TMX1: variants seen among roughly 807,000 people sequenced by gnomAD.
TMX1 encodes the protein thioredoxin-related transmembrane protein 1.
TMX1 carries 25 observed loss-of-function variants against 36.6 expected under a neutral mutation model. The ratio of observed to expected loss-of-function variants is 0.68; its 90% CI spans 0.50 to 0.95. The LOEUF is 0.95. Ranked by LOEUF, TMX1 falls within the 40% of genes least tolerant of loss-of-function variation. The probability of loss-of-function intolerance (pLI) is 0.00; values close to 1 mark genes in which losing one functional copy is unlikely to be tolerated. For missense variants in TMX1, 347 were observed against 339.6 expected, an observed-to-expected ratio of 1.02 and a Z score of -0.17; for synonymous variants, 133 against 118.0, an observed-to-expected ratio of 1.13 and a Z score of -0.82.
intron 1 of TMX1, 48 bp from the exon 2 acceptor site, chr14:51,243,808 C>A: frequency 7.6e-7 from 1 of 1,310,588 alleles, no homozygotes; most frequent in South Asian, 1.6e-5. Flanking sequence ...GATAAATGGT[C>A]ATACTAAAGT....
chr14:51,245,920 G>GTC (rs2065783382), intron 3 of TMX1: 1 of 163,916 alleles, frequency 6.1e-6, no homozygotes, highest in Non-Finnish European at 1.3e-5. Flanking sequence ...AGTCTTCAGT[G>GTC]TCAGGTCTAT....
At chr14:51,246,135 C>G (rs1424901441) in intron 3 of TMX1, among the ~76,000 whole-genome samples, 1 of 151,988 alleles carries the variant, frequency 6.6e-6, no homozygotes, top group African/African-American at 2.4e-5. Flanking sequence ...ATATAAATTT[C>G]TGTTCGCTGT....
chr14:51,250,219 A>G (rs1466437383), intron 7 of TMX1, among the ~76,000 whole-genome samples: 1 of 152,216 alleles, frequency 6.6e-6, no homozygotes, highest in Non-Finnish European at 1.5e-5. Flanking sequence ...GAACTGTACT[A>G]CAGAACAATT....
intron 6 of TMX1, 41 bp from the exon 7 acceptor site, chr14:51,249,652 A>C (rs781277512): frequency 1.3e-6 from 2 of 1,598,060 alleles, no homozygotes; most frequent in Non-Finnish European, 1.7e-6. Flanking sequence ...GCTGTGGCAT[A>C]TATTCTACAT....
At chr14:51,249,811 T>C (rs1304909577) in intron 7 of TMX1, 46 bp downstream of exon 7, 1 of 1,394,908 alleles carries the variant, frequency 7.2e-7, no homozygotes, top group African/African-American at 1.5e-5. Context: ...GATAGTCCTA[T>C]TCATTTCTGT....
chr14:51,252,277 C>A (rs1465222311), intron 7 of TMX1, among the ~76,000 whole-genome samples: 1 of 149,270 alleles, frequency 6.7e-6, no homozygotes, highest in Non-Finnish European at 1.5e-5. Flanking sequence ...CTAAAGAAAT[C>A]TTTCCCTTTA....
chr14:51,255,152 C>A lies in TMX1; in HGVS notation c.*633C>A, dbSNP rs867320523. On this transcript the variant is annotated 3_prime_UTR_variant, in exon 8 of 8. Coordinates refer to ENST00000457354, the MANE Select transcript of TMX1 (RefSeq NM_030755.5). Reference sequence around the variant, plus strand: ...TTAAGTTCATGGTATTCTCTTGATTCCAACAAAGTTTGATTTTCTCTTGTA... The same window carrying A: ...TTAAGTTCATGGTATTCTCTTGATTACAACAAAGTTTGATTTTCTCTTGTA... The A allele has an allele frequency of 6.6e-6, 1 of 151,992 alleles. No individual in the cohort carries two copies. Among genetic ancestry groups the A allele is most frequent in the Non-Finnish European group, 1.5e-5 (1 of 67,918 alleles). 9.4% of individuals were successfully genotyped at this position (151,992 alleles called of 1,614,324 possible). A position where few individuals can be genotyped will look rare whatever the true frequency, so the allele number is the denominator to read the frequency against.
intron 1 of TMX1, among the ~76,000 whole-genome samples, chr14:51,241,300 G>A (rs531905666): frequency 6.6e-6 from 1 of 152,262 alleles, no homozygotes; most frequent in African/African-American, 2.4e-5. Context: ...ATGCTAAGTC[G>A]TTGTTGATGG....
intron 1 of TMX1, among the ~76,000 whole-genome samples, chr14:51,243,417 A>G (rs1461391868): frequency 6.6e-6 from 1 of 152,220 alleles, no homozygotes; most frequent in Non-Finnish European, 1.5e-5. Flanking sequence ...AATGGTTGCC[A>G]CTTTAAGATG....
At chr14:51,242,265 T>C (rs1436956721) in intron 1 of TMX1, among the ~76,000 whole-genome samples, 3 of 152,206 alleles carry the variant, frequency 2.0e-5, no homozygotes, top group African/African-American at 7.2e-5. Flanking sequence ...GTGACACTTT[T>C]TCAGTCATCA....
At chr14:51,247,771 C>G (rs2065793411) in intron 4 of TMX1, among the ~76,000 whole-genome samples, 1 of 152,142 alleles carries the variant, frequency 6.6e-6, no homozygotes, top group Non-Finnish European at 1.5e-5. Context: ...AATATTTTAG[C>G]TTGCTAGATT....
Position 51,256,587 on chromosome 14 carries a change from A to G in TMX1, c.*2068A>G, listed in dbSNP as rs2065839788. 1 of 152,250 alleles carries G rather than the reference A, an allele frequency of 6.6e-6. No individual in the cohort carries two copies. Among genetic ancestry groups the G allele is most frequent in the Non-Finnish European group, 1.5e-5 (1 of 68,032 alleles). 9.4% of individuals were successfully genotyped at this position (152,250 alleles called of 1,614,324 possible). A position where few individuals can be genotyped will look rare whatever the true frequency, so the allele number is the denominator to read the frequency against. On this transcript the variant is annotated 3_prime_UTR_variant, in exon 8 of 8. Coordinates refer to ENST00000457354, the MANE Select transcript of TMX1 (RefSeq NM_030755.5). The stretch of plus-strand genomic sequence containing the variant: ...CCACCATAATCAATTCAGCTGTACT[A>G]CTGAAGTATTGTAAAATCTGATCTC...
chr14:51,242,367 A>G (rs2065766133), intron 1 of TMX1, among the ~76,000 whole-genome samples: 1 of 152,206 alleles, frequency 6.6e-6, no homozygotes, highest in African/African-American at 2.4e-5. Context: ...TGCAAAATAC[A>G]GTCAAGTATT....
Position 51,243,935 on chromosome 14 carries a change from GT to G in TMX1, c.234del (p.Asn79IlefsTer5). The G allele has an allele frequency of 6.2e-7, 1 of 1,612,146 alleles. No individual in the cohort carries two copies. The highest frequency in any genetic ancestry group is 8.5e-7 in the Non-Finnish European group (1 of 1,179,080). ...SFAEWGEDLE[V>X]NIAKVDVTEQ... Reference sequence around the variant, plus strand: ...TGCTGAATGGGGAGAAGATCTTGAGGTTAATATTGCGAAAGTAGATGTCACA... The same window carrying G: ...TGCTGAATGGGGAGAAGATCTTGAGGTAATATTGCGAAAGTAGATGTCACA... On this transcript the variant is annotated frameshift_variant, in exon 2 of 8. Coordinates refer to ENST00000457354, the MANE Select transcript of TMX1 (RefSeq NM_030755.5). LOFTEE classifies it high-confidence loss of function.
chr14:51,250,523 G>A (rs2065806726), intron 7 of TMX1, among the ~76,000 whole-genome samples: 1 of 151,870 alleles, frequency 6.6e-6, no homozygotes, highest in Non-Finnish European at 1.5e-5. Flanking sequence ...ACGGAGTCTC[G>A]CTCTGTTGCC....
At chr14:51,241,655 C>G (rs1250653335) in intron 1 of TMX1, among the ~76,000 whole-genome samples, 3 of 152,028 alleles carry the variant, frequency 2.0e-5, no homozygotes, top group Non-Finnish European at 4.4e-5. Flanking sequence ...TTCAAGAGAT[C>G]CTGGGCAACT....
At chr14:51,252,735 G>T (rs1022822411) in intron 7 of TMX1, among the ~76,000 whole-genome samples, 2 of 152,148 alleles carry the variant, frequency 1.3e-5, no homozygotes, top group African/African-American at 4.8e-5. Flanking sequence ...AGTTGCTAGG[G>T]TTGCTAAGGA....
intron 4 of TMX1, 110 bp downstream of exon 4, chr14:51,247,330 A>T: frequency 3.1e-6 from 3 of 976,594 alleles, no homozygotes; most frequent in Non-Finnish European, 2.8e-6. Flanking sequence ...GTTAAGGTAT[A>T]TCCACATTTA....
rs757868142 is a variant in TMX1, at chr14:51,243,946, G to T, written c.243G>T (p.Ala81=). 39 of 1,611,012 alleles carry T rather than the reference G, an allele frequency of 2.4e-5. No individual in the cohort carries two copies. The highest frequency in any genetic ancestry group is 3.1e-5 in the Non-Finnish European group (37 of 1,178,632). Residue 81 remains alanine, a synonymous_variant, in exon 2 of 8, where the codon GCG becomes GCT. Coordinates refer to ENST00000457354, the MANE Select transcript of TMX1 (RefSeq NM_030755.5). The part of the protein sequence containing the change: ...EWGEDLEVNI[A]KVDVTEQPGL... ...GAGAAGATCTTGAGGTTAATATTGC[G>T]AAAGTAGATGTCACAGAGCAGCCAG...
Sources: gnomAD v4.1 joint callset for allele counts (sites outside exome capture counted in the v4.1 genomes callset) on GRCh38, gnomAD v4.1.1 for gene constraint, MANE v1.5 for transcripts, NCBI Gene and HGNC (gene_info 2026-07-23, HGNC 2026-07-21) for gene names.